TATDN3: variants seen among roughly 807,000 people sequenced by gnomAD.
The protein encoded by TATDN3 is TatD DNase domain containing 3.
A neutral mutation model predicts 40.1 loss-of-function variants in TATDN3; 29 were observed. That is an observed-to-expected ratio of 0.72 (90% CI 0.54 to 0.99). The LOEUF is 0.99. Among genes scored for constraint, TATDN3 ranks in the 50% least tolerant of loss-of-function variants. TATDN3 has a pLI of 0.00. For synonymous variants in TATDN3, 105 were observed against 117.0 expected (o/e 0.90, Z 0.66); for missense variants, 309 against 321.9 (o/e 0.96, Z 0.31).
At chr1:212,810,289 C>T (rs1456242984) in intron 8 of TATDN3, among the ~76,000 whole-genome samples, 1 of 151,892 alleles carries the variant, frequency 6.6e-6, no homozygotes, top group Non-Finnish European at 1.5e-5. Context: ...GCGGGTGGAT[C>T]ACGACGTGGT....
At chr1:212,799,313 GA>G (rs1219475186) in intron 4 of TATDN3, among the ~76,000 whole-genome samples, 2 of 151,476 alleles carry the variant, frequency 1.3e-5, no homozygotes, top group East Asian at 1.9e-4. Context: ...GTTTGGTGAA[GA>G]AAAAAAACCC....
intron 7 of TATDN3, among the ~76,000 whole-genome samples, chr1:212,806,381 T>C (rs1008885156): frequency 2.7e-5 from 4 of 149,806 alleles, no homozygotes; most frequent in African/African-American, 9.9e-5. Flanking sequence ...TTTTTTTTTT[T>C]TTTTTTTGAG....
intron 9 of TATDN3, among the ~76,000 whole-genome samples, chr1:212,812,547 A>G (rs549347369): frequency 1.6e-4 from 24 of 152,342 alleles, no homozygotes; most frequent in African/African-American, 5.3e-4. Flanking sequence ...TGTATGTAAT[A>G]ATAAGAGTCA....
intron 4 of TATDN3, among the ~76,000 whole-genome samples, chr1:212,801,076 G>A (rs1662146130): frequency 2.0e-5 from 3 of 151,844 alleles, no homozygotes; most frequent in Admixed American, 1.3e-4. Flanking sequence ...TATAGTCCCA[G>A]CTACTCGAGA....
intron 4 of TATDN3, among the ~76,000 whole-genome samples, chr1:212,800,374 CTTTTTTT>C (rs373975223): frequency 7.5e-6 from 1 of 134,022 alleles, no homozygotes; most frequent in African/African-American, 2.7e-5. Flanking sequence ...ATAGGTACTT[CTTTTTTT>C]TTTTTTTTTT....
chr1:212,813,572 T>C (rs1385543769), intron 9 of TATDN3, among the ~76,000 whole-genome samples: 2 of 150,588 alleles, frequency 1.3e-5, no homozygotes, highest in South Asian at 2.1e-4. Context: ...TTTTCTTTTT[T>C]TTTTTTTTTT....
intron 8 of TATDN3, among the ~76,000 whole-genome samples, chr1:212,810,533 A>AAAG (rs1212803136): frequency 6.0e-5 from 9 of 150,360 alleles, no homozygotes; most frequent in Non-Finnish European, 1.3e-4. Context: ...AAAAAAAAAA[A>AAAG]AAAATTAGCC....
chr1:212,792,472 A>AC (rs1311858559), intron 1 of TATDN3, among the ~76,000 whole-genome samples: 2 of 82,524 alleles, frequency 2.4e-5, no homozygotes, highest in Non-Finnish European at 5.7e-5. Flanking sequence ...CCTCGTCCCT[A>AC]CAAAAAAAAA....
At chr1:212,801,139 A>G (rs1662152978) in intron 4 of TATDN3, among the ~76,000 whole-genome samples, 2 of 151,848 alleles carry the variant, frequency 1.3e-5, no homozygotes, top group African/African-American at 4.8e-5. Flanking sequence ...GCAGTGAGCT[A>G]TGATCGCACC....
At chr1:212,799,449 G>T (rs1003724862) in intron 4 of TATDN3, among the ~76,000 whole-genome samples, 1 of 152,066 alleles carries the variant, frequency 6.6e-6, no homozygotes, top group Admixed American at 6.6e-5. Context: ...GAAATGGGTG[G>T]ATTTGGCATA....
chr1:212,802,375 T>G (rs890105693), intron 4 of TATDN3, among the ~76,000 whole-genome samples: 23 of 152,206 alleles, frequency 1.5e-4, no homozygotes, highest in African/African-American at 5.5e-4. Context: ...GTGGTTTGCC[T>G]CTCTTTTTCT....
At position 212,804,332 on chromosome 1, in the gene TATDN3, T is replaced by A. The variant is rs1176451233; in HGVS notation, c.334T>A (p.Phe112Ile). ...LLAIGEVGLD[F>I]SPRFAGTGEQ... is the part of the protein sequence containing the mutation. ...TTTTCTGCTCTAGGTTGGACTAGAT[T>A]TCTCCCCCAGATTTGCTGGCACTGG... The change falls in exon 6 of 10, where the codon TTC becomes ATC. Residue 112 changes from phenylalanine to isoleucine, a missense_variant. By Grantham distance (21) the Phe-to-Ile change is conservative. Transcript: ENST00000366974. 5 of 1,613,784 alleles carry A rather than the reference T, an allele frequency of 3.1e-6. No homozygotes were observed. In the Middle Eastern group the frequency reaches 6.6e-4, roughly 213 times the overall value.
At chr1:212,804,767 G>C (rs924328989) in intron 7 of TATDN3, 116 bp downstream of exon 7, 9 of 835,852 alleles carry the variant, frequency 1.1e-5, no homozygotes, top group African/African-American at 5.2e-5. Context: ...GGGCAAGAAG[G>C]GGGGCAGAAA....
In TATDN3 at chr1:212,806,747, C is replaced by CATATAT. The variant is rs71495077; in HGVS notation, c.488-957_488-952dup. Among the ~76,000 whole-genome samples, 430 of 43,940 alleles carry CATATAT rather than the reference C, an allele frequency of 9.8e-3. 25 individuals are homozygous for CATATAT. The highest frequency in any genetic ancestry group is 0.012 in the African/African-American group (158 of 13,222). The allele number at this position is 43,940 out of a possible 152,430, so 28.8% of individuals were successfully genotyped here. A position where few individuals can be genotyped will look rare whatever the true frequency, so the allele number is the denominator to read the frequency against. On this transcript the variant is annotated intron_variant, in intron 7 of 9. Coordinates refer to ENST00000366974, the MANE Select transcript of TATDN3 (RefSeq NM_001042552.3). ...TTTATTCTCTCTCTCTCTCTCTCTC[C>CATATAT]ATATATATATATATATATATATATA...
chr1:212,811,544 G>A (rs896926597), intron 8 of TATDN3, among the ~76,000 whole-genome samples: 5 of 151,836 alleles, frequency 3.3e-5, no homozygotes, highest in East Asian at 1.9e-4. Context: ...GATTACAGGC[G>A]CGAGCTACCA....
At chr1:212,802,785 A>G in intron 5 of TATDN3, 22 bp downstream of exon 5, 1 of 1,539,004 alleles carries the variant, frequency 6.5e-7, no homozygotes, top group South Asian at 1.1e-5. Context: ...CTAACTGATC[A>G]AACAGCTTCT....
At chr1:212,814,516 G>C (rs1033472625) in intron 9 of TATDN3, among the ~76,000 whole-genome samples, 1 of 152,136 alleles carries the variant, frequency 6.6e-6, no homozygotes, top group African/African-American at 2.4e-5. Context: ...GAAATATACT[G>C]TATCAATTTC....
At chr1:212,813,566 C>CTTTTT (rs202183479) in intron 9 of TATDN3, among the ~76,000 whole-genome samples, 17 of 130,960 alleles carry the variant, frequency 1.3e-4, no homozygotes, top group Non-Finnish European at 1.5e-4. Context: ...TCTTTCTTTT[C>CTTTTT]TTTTTTTTTT....
At chr1:212,800,405 G>T (rs188127716) in intron 4 of TATDN3, among the ~76,000 whole-genome samples, 315 of 137,606 alleles carry the variant, frequency 2.3e-3, no homozygotes, top group Middle Eastern at 0.019. Context: ...ATAGAATCTT[G>T]CTCTGTCACC....
Sources: allele counts gnomAD v4.1 joint callset (sites outside exome capture counted in the v4.1 genomes callset), GRCh38; gene constraint gnomAD v4.1.1; transcripts MANE v1.5; gene names NCBI Gene and HGNC (gene_info 2026-07-23, HGNC 2026-07-21).